Variants in EPHB4 observed in about 807,000 individuals in gnomAD.
EPHB4 encodes EPH receptor B4, also known as ephrin type-B receptor 4.
EPHB4 carries 50 observed loss-of-function variants against 110.6 expected under a neutral mutation model. That is an observed-to-expected ratio of 0.45 (90% CI 0.36 to 0.57). The LOEUF (loss-of-function observed/expected upper bound fraction) is 0.57. EPHB4 is among the 20% of genes least tolerant of loss of function. The probability of loss-of-function intolerance (pLI) is 0.00; values close to 1 mark genes in which losing one functional copy is unlikely to be tolerated. For synonymous variants in EPHB4, 592 were observed against 578.4 expected, an observed-to-expected ratio of 1.02 and a Z score of -0.34; for missense variants, 1,128 against 1,382.1, an observed-to-expected ratio of 0.82 and a Z score of 2.91.
rs2116463257 is a variant in EPHB4, at chr7:100,824,391, G to A, written c.53-118C>T. ...TTAGCTCTGAGCTAGAGGAGTTGGG[G>A]GGCCAAGAGGGGAGCAAGCCCTGCC... On this transcript the variant is annotated intron_variant, in intron 1 of 16. Transcript: ENST00000358173. 2.8e-6 allele frequency: 3 copies of A among 1,062,566 alleles called. No homozygotes were observed. The South Asian group carries it at 4.0e-5, about 14-fold the overall frequency. The allele number at this position is 1,062,566 out of a possible 1,614,324, so 65.8% of individuals were successfully genotyped here.
chr7:100,823,271 G>C (rs1021493585), intron 3 of EPHB4, among the ~76,000 whole-genome samples: 1 of 152,200 alleles, frequency 6.6e-6, no homozygotes, highest in African/African-American at 2.4e-5. Flanking sequence ...ACAAGTAGGG[G>C]TGTGAGAGGC....
At chr7:100,810,329 G>T (rs1812900292) in intron 12 of EPHB4, among the ~76,000 whole-genome samples, 1 of 152,156 alleles carries the variant, frequency 6.6e-6, no homozygotes, top group Non-Finnish European at 1.5e-5. Context: ...CAAGCTAAAT[G>T]ATCCCATAAG....
chr7:100,804,201 A>G (rs1812762357), intron 16 of EPHB4, among the ~76,000 whole-genome samples: 1 of 145,086 alleles, frequency 6.9e-6, no homozygotes. Flanking sequence ...GGGTTTTGCT[A>G]TTTTGGCCAG....
chr7:100,819,676 A>G lies in EPHB4; in HGVS notation c.1178T>C (p.Val393Ala), dbSNP rs748901665. ...GGTGAAGTCAGGACGTAGCCCTCGA[A>G]CCACCACCCAGGGCTCCACCAGGTC... ...PRDLVEPWVV[V>A]RGLRPDFTYT... The change falls in exon 6 of 17, where the codon GTT (valine) becomes GCT (alanine). Residue 393 changes from valine (V) to alanine (A), a missense_variant. Val to Ala is a moderately conservative substitution (Grantham distance 64). Transcript: ENST00000358173. 8 of 1,613,726 alleles carry G rather than the reference A, an allele frequency of 5.0e-6. No homozygotes were observed. Among genetic ancestry groups the G allele is most frequent in the Non-Finnish European group, 6.8e-6 (8 of 1,179,932 alleles).
chr7:100,818,089 A>AT (rs1813127152), intron 7 of EPHB4, among the ~76,000 whole-genome samples: 1 of 151,312 alleles, frequency 6.6e-6, no homozygotes, highest in East Asian at 2.0e-4. Flanking sequence ...GATGGTCTCG[A>AT]TACTCCTGAC....
chr7:100,818,712 T>G (rs917315406), intron 6 of EPHB4, 68 bp from the exon 7 acceptor site: 1 of 1,509,144 alleles, frequency 6.6e-7, no homozygotes, highest in African/African-American at 1.4e-5. Context: ...AAAAAAAATT[T>G]TTTTTTTCGA....
intron 7 of EPHB4, among the ~76,000 whole-genome samples, 167 bp from the exon 8 acceptor site, chr7:100,817,524 A>C (rs1813106653): frequency 6.6e-6 from 1 of 152,000 alleles, no homozygotes; most frequent in Admixed American, 6.6e-5. Flanking sequence ...TCATAATATC[A>C]TTCCTTTTTT....
rs560817007 is a variant in EPHB4 at position 100,817,688 on chromosome 7, T to G, written c.1423-331A>C. 8.0e-5 allele frequency among the ~76,000 whole-genome samples: 12 copies of G among 149,578 alleles called. No homozygotes were observed. The East Asian group carries it at 2.4e-3, about 30-fold the overall frequency. ...GGATTACAGGGGCCCGCCAACACAC[T>G]CAGCTGATTTTGCTATTTGTAGTAG... On this transcript the variant is annotated intron_variant, in intron 7 of 16. Transcript: ENST00000358173.
At chr7:100,820,472 A>AG in intron 4 of EPHB4, 176 bp from the exon 5 acceptor site, 2 of 618,146 alleles carry the variant, frequency 3.2e-6, no homozygotes, top group East Asian at 6.6e-5. Flanking sequence ...CTCCAAAAAA[A>AG]AAAAAAAAAA....
chr7:100,821,464 C>T (rs2116455473), intron 4 of EPHB4, among the ~76,000 whole-genome samples: 2 of 149,238 alleles, frequency 1.3e-5, no homozygotes, highest in South Asian at 4.5e-4. Context: ...TCCATCTCTA[C>T]TAAAAATACA....
chr7:100,817,859 GTTTTTTTT>G (rs33978512), intron 7 of EPHB4, among the ~76,000 whole-genome samples: 56 of 47,116 alleles, frequency 1.2e-3, no homozygotes, highest in African/African-American at 3.7e-3. Flanking sequence ...TATTTTTTGC[GTTTTTTTT>G]TTTTTTTTTT....
At chr7:100,809,624 C>T (rs1812887123) in intron 12 of EPHB4, among the ~76,000 whole-genome samples, 1 of 152,180 alleles carries the variant, frequency 6.6e-6, no homozygotes, top group Admixed American at 6.5e-5. Context: ...AGTGATCCTC[C>T]CGCCTCAGCC....
chr7:100,813,750 T>C lies in EPHB4; in HGVS notation c.1692-34A>G, dbSNP rs74340862. On this transcript the variant is annotated intron_variant, in intron 9 of 16. Coordinates refer to ENST00000358173, the MANE Select transcript of EPHB4 (RefSeq NM_004444.5). ...GATGGGAAAGGAACAAAAGGTAAAC[T>C]GAGTCACACATCTTTATGAGGCACA... The C allele has an allele frequency of 3.4e-3, 5,539 of 1,613,746 alleles. 165 individuals are homozygous for C. In the African/African-American group the frequency reaches 0.065, roughly 19 times the overall value.
Position 100,814,138 on chromosome 7 carries a change from G to T in EPHB4, c.1589-117C>A, listed in dbSNP as rs1049600918. 1.2e-5 allele frequency: 13 copies of T among 1,096,506 alleles called. No homozygotes were observed. The African/African-American group carries it at 1.4e-4, about 12-fold the overall frequency. 67.9% of individuals were successfully genotyped at this position (1,096,506 alleles called of 1,614,324 possible). On this transcript the variant is annotated intron_variant, in intron 8 of 16. Coordinates refer to ENST00000358173, the MANE Select transcript of EPHB4 (RefSeq NM_004444.5). ...GAACAGGTCCCCAGTACAGGGGACA[G>T]GTGGAGGGAGAGGACACAAGCAGGC...
chr7:100,807,266 C>T, intron 13 of EPHB4, 99 bp downstream of exon 13: 1 of 1,293,760 alleles, frequency 7.7e-7, no homozygotes, highest in Non-Finnish European at 1.1e-6. Context: ...TATCCTCTCC[C>T]TGGAGCAGGG....
At chr7:100,826,757 T>C in intron 1 of EPHB4, 1 of 489,882 alleles carries the variant, frequency 2.0e-6, no homozygotes, top group Non-Finnish European at 3.6e-6. Flanking sequence ...TCCCGGGTCG[T>C]AGCCAGACTC....
chr7:100,816,880 G>A (rs1245028115), intron 8 of EPHB4, among the ~76,000 whole-genome samples: 1 of 151,734 alleles, frequency 6.6e-6, no homozygotes, highest in African/African-American at 2.4e-5. Flanking sequence ...TCAGGAGTTC[G>A]AGACCAGCCT....
Position 100,813,141 on chromosome 7 carries a change from T to C in EPHB4, c.1824A>G (p.Lys608=). Residue 608 remains lysine, a synonymous_variant, in exon 11 of 17, where the codon AAA becomes AAG. Transcript: ENST00000358173. Reference sequence around the variant, plus strand: ...TCTTGACGTAGGAGACATCGATCTCTTTTGCAAATTCCCTCACAGCCTCAT... The same window carrying C: ...TCTTGACGTAGGAGACATCGATCTCCTTTGCAAATTCCCTCACAGCCTCAT... The part of the protein sequence containing the change: ...DPNEAVREFA[K]EIDVSYVKIE... 1 of 1,611,914 alleles carries C rather than the reference T, an allele frequency of 6.2e-7. No homozygotes were observed. Among genetic ancestry groups the C allele is most frequent in the South Asian group, 1.1e-5 (1 of 91,086 alleles).
In EPHB4 at chr7:100,805,074, G is replaced by A. The variant is rs551143803; in HGVS notation, c.2834+92C>T. ...GTGCAAGAAGACAGCATTGGCACCC[G>A]AAGCTGACCCCAAAAGCCCCTGGAG... is the stretch of plus-strand genomic sequence containing the variant. On this transcript the variant is annotated intron_variant, in intron 16 of 16. Transcript: ENST00000358173. 50 of 1,471,872 alleles carry A rather than the reference G, an allele frequency of 3.4e-5. 1 individual carries two copies. In the South Asian group the frequency reaches 5.5e-4, roughly 16 times the overall value. 91.2% of individuals were successfully genotyped at this position (1,471,872 alleles called of 1,614,324 possible). A position where few individuals can be genotyped will look rare whatever the true frequency, so the allele number is the denominator to read the frequency against.
Sources: allele counts gnomAD v4.1 joint callset (sites outside exome capture counted in the v4.1 genomes callset), GRCh38; gene constraint gnomAD v4.1.1; transcripts MANE v1.5; gene names NCBI Gene and HGNC (gene_info 2026-07-23, HGNC 2026-07-21).